The following TC2N variants were observed in gnomAD, a reference collection of about 807,000 sequenced individuals.
TC2N encodes tandem C2 domains nuclear protein.
TC2N carries 51 observed loss-of-function variants against 61.9 expected under a neutral mutation model. The observed-to-expected ratio is 0.82, with a 90% CI of 0.66 to 1.04. The LOEUF (loss-of-function observed/expected upper bound fraction) is 1.04, where lower values mean the gene tolerates loss of function less well. Among genes scored for constraint, TC2N ranks in the 50% least tolerant of loss-of-function variants. TC2N has a pLI of 0.00. For missense variants in TC2N, 556 were observed against 566.7 expected (o/e 0.98, Z 0.19); for synonymous variants, 204 against 192.6 (o/e 1.06, Z -0.49).
chr14:91,823,105 G>T (rs1191469526), intron 1 of TC2N, among the ~76,000 whole-genome samples: 5 of 152,144 alleles, frequency 3.3e-5, no homozygotes, highest in Non-Finnish European at 7.4e-5. Context: ...TCAAGTATAT[G>T]TAACTTACTA....
intron 1 of TC2N, among the ~76,000 whole-genome samples, chr14:91,814,278 T>C (rs1350557612): frequency 2.1e-5 from 3 of 145,986 alleles, no homozygotes; most frequent in Admixed American, 1.4e-4. Context: ...CATGTGCTGA[T>C]AAAACAGCAA....
chr14:91,846,016 C>T (rs1193099535), intron 1 of TC2N, among the ~76,000 whole-genome samples: 1 of 152,154 alleles, frequency 6.6e-6, no homozygotes, highest in Non-Finnish European at 1.5e-5. Flanking sequence ...ACCCGTTGAT[C>T]AGATGTTTAC....
At chr14:91,839,112 C>A (rs17127610) in intron 1 of TC2N, among the ~76,000 whole-genome samples, 6,354 of 152,182 alleles carry the variant, frequency 0.042, 361 homozygotes, top group African/African-American at 0.13. Flanking sequence ...CGCATAATTC[C>A]TACTCTAAAC....
intron 1 of TC2N, among the ~76,000 whole-genome samples, chr14:91,861,859 T>C (rs1306551096): frequency 6.6e-6 from 1 of 151,774 alleles, no homozygotes; most frequent in Non-Finnish European, 1.5e-5. Flanking sequence ...AGTGAGGCAA[T>C]ATTGTGCCAC....
chr14:91,798,942 G>T (rs1241803740), intron 6 of TC2N, 47 bp downstream of exon 6: 1 of 1,269,244 alleles, frequency 7.9e-7, no homozygotes, highest in East Asian at 2.4e-5. Flanking sequence ...CTACTGAGTA[G>T]AAATAATTAT....
rs1281234810 is a variant in TC2N at position 91,797,804 on chromosome 14, G to C, written c.836C>G (p.Ser279Ter). ...ACTTACGTTGGAACCTTCCTTGGCT[G>C]AAGATTTGAAATGCACTGGTTTGGG... ...TLPKPVHFKS[S>*]AKEGSNAIEF... The change falls in exon 8 of 12, where the codon TCA becomes TGA. Residue 279 changes from serine (S) to a stop codon, truncating the protein, a stop_gained. Transcript: ENST00000435962. LOFTEE classifies it high-confidence loss of function. 6.2e-7 allele frequency: 1 copy of C among 1,602,266 alleles called. No homozygotes were observed. The highest frequency in any genetic ancestry group is 1.1e-5 in the South Asian group (1 of 88,958).
At chr14:91,810,838 A>C (rs1873941449) in intron 3 of TC2N, among the ~76,000 whole-genome samples, 1 of 152,034 alleles carries the variant, frequency 6.6e-6, no homozygotes, top group Non-Finnish European at 1.5e-5. Context: ...AATATTATTG[A>C]ATCTAAAGAA....
intron 3 of TC2N, among the ~76,000 whole-genome samples, chr14:91,806,965 T>C (rs1201387030): frequency 6.6e-6 from 1 of 152,196 alleles, no homozygotes; most frequent in Non-Finnish European, 1.5e-5. Context: ...GCCTAGGGAC[T>C]TGGTGCCCTG....
chr14:91,786,407 A>G (rs1885366131), intron 10 of TC2N, among the ~76,000 whole-genome samples: 1 of 152,068 alleles, frequency 6.6e-6, no homozygotes, highest in African/African-American at 2.4e-5. Flanking sequence ...TACTTTTTCC[A>G]TCTTCTTTTC....
At chr14:91,857,541 A>AT (rs1201696941) in intron 1 of TC2N, among the ~76,000 whole-genome samples, 2 of 152,192 alleles carry the variant, frequency 1.3e-5, no homozygotes, top group Non-Finnish European at 2.9e-5. Flanking sequence ...CTCCACACAC[A>AT]TCATCTTATT....
At chr14:91,850,174 C>G (rs1317017917) in intron 1 of TC2N, among the ~76,000 whole-genome samples, 1 of 79,444 alleles carries the variant, frequency 1.3e-5, no homozygotes, top group East Asian at 4.1e-4. Flanking sequence ...GAGCCTCAAT[C>G]TCTTTCCTAA....
chr14:91,857,121 T>C (rs747422165), intron 1 of TC2N, among the ~76,000 whole-genome samples: 11 of 152,302 alleles, frequency 7.2e-5, no homozygotes, highest in African/African-American at 1.9e-4. Context: ...AGAGTCCTCA[T>C]TGTAAAGGCA....
At chr14:91,785,576 T>C (rs1463222817) in intron 10 of TC2N, among the ~76,000 whole-genome samples, 1 of 152,120 alleles carries the variant, frequency 6.6e-6, no homozygotes, top group African/African-American at 2.4e-5. Context: ...TAACTTTAAA[T>C]GAACTTAATC....
At chr14:91,810,333 C>G (rs8007132) in intron 3 of TC2N, among the ~76,000 whole-genome samples, 9,985 of 151,872 alleles carry the variant, frequency 0.066, 991 homozygotes, top group African/African-American at 0.21. Context: ...GCCAAACATC[C>G]AAACCATATC....
chr14:91,867,067 T>C lies in TC2N; in HGVS notation c.-57+195A>G, dbSNP rs78721396. Among the ~76,000 whole-genome samples the C allele has an allele frequency of 2.1e-4, 27 of 128,614 alleles. No individual in the cohort carries two copies. The East Asian group carries it at 6.1e-3, about 29-fold the overall frequency. The allele number at this position is 128,614 out of a possible 152,430, so 84.4% of individuals were successfully genotyped here. A position where few individuals can be genotyped will look rare whatever the true frequency, so the allele number is the denominator to read the frequency against. On this transcript the variant is annotated intron_variant, in intron 1 of 11. Coordinates refer to ENST00000435962, the MANE Select transcript of TC2N (RefSeq NM_001128596.3). ...GCGCAATTTGAGGTCCAAGAAGCCC[T>C]TGGAGGCTGCTTTTATGAGCCTGAG... is the stretch of plus-strand genomic sequence containing the variant.
At chr14:91,854,518 G>C (rs1419698037) in intron 1 of TC2N, among the ~76,000 whole-genome samples, 1 of 147,276 alleles carries the variant, frequency 6.8e-6, no homozygotes, top group East Asian at 2.0e-4. Context: ...TGGAGGAGGA[G>C]GAGGAGGAGG....
intron 8 of TC2N, among the ~76,000 whole-genome samples, 190 bp downstream of exon 8, chr14:91,797,595 A>G (rs916363824): frequency 6.6e-6 from 1 of 151,974 alleles, no homozygotes; most frequent in African/African-American, 2.4e-5. Flanking sequence ...TTTTAAATGC[A>G]TCTTAATACT....
At chr14:91,796,938 T>C (rs1885926220) in intron 8 of TC2N, among the ~76,000 whole-genome samples, 1 of 146,516 alleles carries the variant, frequency 6.8e-6, no homozygotes, top group African/African-American at 2.5e-5. Flanking sequence ...TCAATTTTTC[T>C]TCAAACAAAA....
At chr14:91,806,076 G>A (rs1345542185) in intron 3 of TC2N, among the ~76,000 whole-genome samples, 1 of 151,652 alleles carries the variant, frequency 6.6e-6, no homozygotes, top group Non-Finnish European at 1.5e-5. Flanking sequence ...TTTTTTAAAG[G>A]GGTTTCCCCT....
Sources: allele counts gnomAD v4.1 joint callset (sites outside exome capture counted in the v4.1 genomes callset), GRCh38; gene constraint gnomAD v4.1.1; transcripts MANE v1.5; gene names NCBI Gene and HGNC (gene_info 2026-07-23, HGNC 2026-07-21).